The following LOC122526780 variants were observed in gnomAD, a reference collection of about 807,000 sequenced individuals.
chr17:6,637,072 C>G, the LOC122526780 span: 2 of 152,630 alleles, frequency 1.3e-5, no homozygotes, highest in African/African-American at 4.8e-5. Context: ...CACAGCCTGG[C>G]TGCCCCCGGC....
chr17:6,639,532 G>A, the LOC122526780 span: 51 of 152,724 alleles, frequency 3.3e-4, no homozygotes, highest in Non-Finnish European at 1.5e-5. This position sits in a 1 kb window ranked among gnomAD's most constrained non-coding sequence, Gnocchi z 4.3. Flanking sequence ...ACTCGCAGGA[G>A]GCACCCTCCC....
chr17:6,639,433 A>T, the LOC122526780 span: 2 of 151,738 alleles, frequency 1.3e-5, no homozygotes, highest in East Asian at 3.9e-4. This position sits in a 1 kb window ranked among gnomAD's most constrained non-coding sequence, Gnocchi z 4.3. Flanking sequence ...CCCATAGCCT[A>T]TCTCCTCCCC....
the LOC122526780 span, chr17:6,637,280 C>A: frequency 6.6e-6 from 1 of 152,310 alleles, no homozygotes; most frequent in African/African-American, 2.4e-5. Context: ...GGCAGAGGCA[C>A]CCTCCCGGCC....
At chr17:6,640,238 C>T in the LOC122526780 span, 89 of 153,004 alleles carry the variant, frequency 5.8e-4, no homozygotes, top group African/African-American at 2.1e-3. Context: ...CTGGGCCCCA[C>T]GCAGCGACCC....
chr17:6,637,722 G>C, the LOC122526780 span: 1 of 152,384 alleles, frequency 6.6e-6, no homozygotes, highest in African/African-American at 2.4e-5. Flanking sequence ...CCATCCTTGT[G>C]GGACCCTTGG....
At chr17:6,636,916 C>T in the LOC122526780 span, 2 of 152,244 alleles carry the variant, frequency 1.3e-5, no homozygotes, top group South Asian at 2.1e-4. Context: ...ATGGCCAAGG[C>T]CTATTTCCTC....
chr17:6,638,332 G>C, the LOC122526780 span: 1 of 152,684 alleles, frequency 6.5e-6, no homozygotes, highest in African/African-American at 2.4e-5. Flanking sequence ...AATGTCTCTA[G>C]AGCTGCCTTC....
the LOC122526780 span, chr17:6,637,616 C>T: frequency 6.6e-6 from 1 of 152,664 alleles, no homozygotes; most frequent in Non-Finnish European, 1.5e-5. Flanking sequence ...GCCATGGACA[C>T]TCCTGTAGTC....
the LOC122526780 span, chr17:6,639,021 C>T: frequency 6.5e-6 from 1 of 153,140 alleles, no homozygotes; most frequent in Non-Finnish European, 1.5e-5. The surrounding 1 kb of genome is among the most constrained non-coding windows in gnomAD (Gnocchi z 4.3). Context: ...TTTCCCTGAA[C>T]CCTGGGTCAC....
the LOC122526780 span, chr17:6,637,581 CCCCACA>C: frequency 1.3e-5 from 2 of 152,962 alleles, no homozygotes; most frequent in Non-Finnish European, 2.9e-5. Context: ...TGGTCCCCTC[CCCCACA>C]GACCCCAGCA....
chr17:6,639,139 C>G, the LOC122526780 span: 1 of 153,080 alleles, frequency 6.5e-6, no homozygotes, highest in East Asian at 1.9e-4. This position sits in a 1 kb window ranked among gnomAD's most constrained non-coding sequence, Gnocchi z 4.3. Flanking sequence ...AGCCTGTCTC[C>G]TGTAACACAC....
chr17:6,637,466 G>A, the LOC122526780 span: 1 of 152,526 alleles, frequency 6.6e-6, no homozygotes, highest in Non-Finnish European at 1.5e-5. Flanking sequence ...ATTGGCCCTG[G>A]AAGCCCGGGA....
At chr17:6,638,995 C>G in the LOC122526780 span, 1 of 153,136 alleles carries the variant, frequency 6.5e-6, no homozygotes, top group East Asian at 1.9e-4. Context: ...TGTCTCCACC[C>G]ACACAGGCTG....
At chr17:6,638,045 C>A in the LOC122526780 span, 1 of 152,816 alleles carries the variant, frequency 6.5e-6, no homozygotes. Flanking sequence ...AGCCCAGGCC[C>A]CTCAGGCACC....
the LOC122526780 span, chr17:6,637,557 G>C: frequency 6.5e-6 from 1 of 152,984 alleles, no homozygotes; most frequent in South Asian, 2.1e-4. Flanking sequence ...ACAGGCCAGA[G>C]ACATGCTCAA....
chr17:6,640,287 C>CGGG, the LOC122526780 span: 1 of 152,746 alleles, frequency 6.5e-6, no homozygotes, highest in Non-Finnish European at 1.5e-5. Flanking sequence ...GCAGCCTGGG[C>CGGG]AAGGCCCCAC....
At chr17:6,639,371 C>G in the LOC122526780 span, 1 of 152,930 alleles carries the variant, frequency 6.5e-6, no homozygotes, top group East Asian at 1.9e-4. This position sits in a 1 kb window ranked among gnomAD's most constrained non-coding sequence, Gnocchi z 4.3. Flanking sequence ...GTCCACCCCA[C>G]GGTCCCAGGC....
At chr17:6,640,001 A>T in the LOC122526780 span, 1 of 152,538 alleles carries the variant, frequency 6.6e-6, no homozygotes, top group African/African-American at 2.4e-5. Flanking sequence ...GCCTCGATGG[A>T]GCCTGGGGTC....
chr17:6,637,197 G>A, the LOC122526780 span: 1 of 152,454 alleles, frequency 6.6e-6, no homozygotes, highest in East Asian at 1.9e-4. Flanking sequence ...CTGCTCCTGA[G>A]GACCCAGTCA....
Sources: allele counts gnomAD v4.1 joint callset, GRCh38; gene constraint gnomAD v4.1.1; non-coding constraint Gnocchi (gnomAD v3.1); transcripts MANE v1.5.